DAB1: variants seen among roughly 807,000 people sequenced by gnomAD.
DAB1 encodes DAB adaptor protein 1, also known as disabled homolog 1.
In DAB1, 15 loss-of-function variants were observed where a neutral mutation model predicts 64.6. That is an observed-to-expected ratio of 0.23 (90% CI 0.16 to 0.36). The LOEUF is 0.36. Ranked by LOEUF, DAB1 falls within the 10% of genes least tolerant of loss-of-function variation. The pLI, the probability that DAB1 is intolerant of heterozygous loss-of-function variation, is 1.00. For missense variants in DAB1, 596 were observed against 706.7 expected (o/e 0.84, Z 1.78); for synonymous variants, 235 against 251.9 (o/e 0.93, Z 0.64).
chr1:58,219,025 CTGTGTG>C (rs56151181), intron 4 of DAB1, among the ~76,000 whole-genome samples: 6 of 129,550 alleles, frequency 4.6e-5, no homozygotes, highest in Non-Finnish European at 6.3e-5. Context: ...CTCTCTCTCT[CTGTGTG>C]TGTGTGTGTG....
Position 57,287,778 on chromosome 1 carries a change from T to TTTTTTTTATTTATTTA in DAB1, c.67+3185_67+3186insTAAATAAATAAAAAAA, listed in dbSNP as rs1553164513. On this transcript the variant is annotated intron_variant, in intron 2 of 14. Coordinates refer to ENST00000371236, the MANE Select transcript of DAB1 (RefSeq NM_001365792.1). ...CTGTTACCAGCACGTTTTCTCTCTCTTTTATTTATTTATTTATTTATTTAT... is the reference window on the plus strand; with the variant it reads ...CTGTTACCAGCACGTTTTCTCTCTCTTTTTTTTATTTATTTATTTATTTATTTATTTATTTATTTAT... Among the ~76,000 whole-genome samples, 5 of 144,144 alleles carry TTTTTTTTATTTATTTA rather than the reference T, an allele frequency of 3.5e-5. No homozygotes were observed. In the East Asian group the frequency reaches 8.2e-4, roughly 24 times the overall value. The allele number at this position is 144,144 out of a possible 152,430, so 94.6% of individuals were successfully genotyped here.
At chr1:58,113,539 G>A (rs941300443) in intron 5 of DAB1, among the ~76,000 whole-genome samples, 5 of 152,180 alleles carry the variant, frequency 3.3e-5, no homozygotes, top group Non-Finnish European at 5.9e-5. Flanking sequence ...AAACTTCTGT[G>A]TAATGAGAGT....
intron 4 of DAB1, among the ~76,000 whole-genome samples, chr1:57,103,396 C>T (rs985236306): frequency 6.6e-6 from 1 of 152,196 alleles, no homozygotes; most frequent in African/African-American, 2.4e-5. Flanking sequence ...ACTGGCTGTT[C>T]TTCAACACTA....
At chr1:57,038,035 T>C (rs1383007311) in intron 9 of DAB1, among the ~76,000 whole-genome samples, 1 of 152,226 alleles carries the variant, frequency 6.6e-6, no homozygotes, top group Non-Finnish European at 1.5e-5. Flanking sequence ...TTTGATTTAA[T>C]AGCTTCATGT....
At chr1:57,687,588 A>G (rs1478620450) in intron 6 of DAB1, among the ~76,000 whole-genome samples, 2 of 141,332 alleles carry the variant, frequency 1.4e-5, no homozygotes, top group African/African-American at 5.5e-5. Flanking sequence ...ATCGAAAGTA[A>G]TCTTAAGAAA....
chr1:57,402,692 T>C (rs909119147), intron 1 of DAB1, among the ~76,000 whole-genome samples: 1 of 152,184 alleles, frequency 6.6e-6, no homozygotes, highest in African/African-American at 2.4e-5. Context: ...TTACTTACAT[T>C]GTTAACTCTC....
At chr1:57,830,236 T>C (rs567962996) in intron 1 of DAB1, among the ~76,000 whole-genome samples, 2 of 152,326 alleles carry the variant, frequency 1.3e-5, no homozygotes, top group East Asian at 3.9e-4. Context: ...ATTAAACCTC[T>C]GGAATCCTCT....
chr1:58,389,768 G>A (rs1416491523), intron 3 of DAB1, among the ~76,000 whole-genome samples: 5 of 152,274 alleles, frequency 3.3e-5, no homozygotes, highest in African/African-American at 4.8e-5. Context: ...AGTGCTGGCA[G>A]GGGAGAGAGG....
At chr1:57,343,074 A>G (rs1237609388) in intron 1 of DAB1, among the ~76,000 whole-genome samples, 1 of 151,954 alleles carries the variant, frequency 6.6e-6, no homozygotes, top group African/African-American at 2.4e-5. Flanking sequence ...GGTAGAGTCC[A>G]GTGGTCTGTT....
intron 4 of DAB1, among the ~76,000 whole-genome samples, chr1:57,128,226 A>T (rs1352428522): frequency 6.6e-6 from 1 of 151,900 alleles, no homozygotes; most frequent in East Asian, 1.9e-4. Flanking sequence ...ATTTATCTTG[A>T]AAGTTCATAT....
chr1:57,327,308 G>A (rs1486786995), intron 1 of DAB1, among the ~76,000 whole-genome samples: 1 of 152,154 alleles, frequency 6.6e-6, no homozygotes, highest in African/African-American at 2.4e-5. Flanking sequence ...ACTGGGAGAA[G>A]TGCTGAGATA....
At chr1:57,479,353 A>G (rs747614277) in intron 7 of DAB1, among the ~76,000 whole-genome samples, 6 of 151,740 alleles carry the variant, frequency 4.0e-5, no homozygotes, top group African/African-American at 1.5e-4. Context: ...GACATAATGT[A>G]TAAGAAAAGA....
intron 3 of DAB1, among the ~76,000 whole-genome samples, chr1:58,396,273 C>T (rs1358590914): frequency 1.3e-5 from 2 of 152,098 alleles, no homozygotes; most frequent in Admixed American, 6.5e-5. Context: ...AGGGAACTGC[C>T]GGCTGCACTG....
intron 4 of DAB1, among the ~76,000 whole-genome samples, chr1:58,275,968 G>A (rs1281432225): frequency 6.6e-6 from 1 of 152,158 alleles, no homozygotes; most frequent in Non-Finnish European, 1.5e-5. Flanking sequence ...ATACACCAGT[G>A]GAATACTGTT....
At chr1:58,528,668 A>G (rs1483379370) in intron 1 of DAB1, among the ~76,000 whole-genome samples, 1 of 152,190 alleles carries the variant, frequency 6.6e-6, no homozygotes, top group Admixed American at 6.5e-5. Context: ...CCAAAGTGTG[A>G]GTAGTGCTGA....
chr1:58,299,153 G>A (rs1662059861), intron 4 of DAB1, among the ~76,000 whole-genome samples: 1 of 152,176 alleles, frequency 6.6e-6, no homozygotes, highest in Non-Finnish European at 1.5e-5. Flanking sequence ...GTAGCACCCA[G>A]CAGAGGGTCT....
intron 4 of DAB1, among the ~76,000 whole-genome samples, chr1:58,309,601 C>T (rs559815348): frequency 6.6e-6 from 1 of 152,304 alleles, no homozygotes; most frequent in South Asian, 2.1e-4. Flanking sequence ...GGTCTGCCAA[C>T]TACAAGTCCA....
chr1:57,442,681 G>A (rs780569643), intron 7 of DAB1, among the ~76,000 whole-genome samples: 40 of 152,240 alleles, frequency 2.6e-4, no homozygotes, highest in Non-Finnish European at 4.0e-4. Context: ...TATGTTTTCC[G>A]GAGAGAGAAA....
intron 4 of DAB1, among the ~76,000 whole-genome samples, chr1:58,260,294 A>G (rs539415404): frequency 3.3e-5 from 5 of 152,282 alleles, no homozygotes; most frequent in African/African-American, 1.2e-4. Flanking sequence ...TTAAGGCACC[A>G]GTTTAGGGAA....
Sources: gnomAD v4.1 joint callset for allele counts (sites outside exome capture counted in the v4.1 genomes callset) on GRCh38, gnomAD v4.1.1 for gene constraint, MANE v1.5 for transcripts, NCBI Gene and HGNC (gene_info 2026-07-23, HGNC 2026-07-21) for gene names.